Variants in KCNMA1 observed in about 807,000 individuals in gnomAD.
KCNMA1 encodes Calcium-activated potassium channel subunit alpha-1.
In KCNMA1, 29 loss-of-function variants were observed where a neutral mutation model predicts 140.0. That is an observed-to-expected ratio of 0.21 (90% confidence interval 0.15 to 0.28). The LOEUF (loss-of-function observed/expected upper bound fraction) is 0.28, where lower values mean the gene tolerates loss of function less well. Ranked by LOEUF, KCNMA1 falls within the 10% of genes least tolerant of loss-of-function variation. KCNMA1 has a pLI of 1.00. For synonymous variants in KCNMA1, 612 were observed against 611.9 expected (o/e 1.00, Z 0.00); for missense variants, 880 against 1,602.2 (o/e 0.55, Z 7.70).
At chr10:77,074,320 C>A (rs2096312822) in intron 13 of KCNMA1, among the ~76,000 whole-genome samples, 1 of 152,198 alleles carries the variant, frequency 6.6e-6, no homozygotes, top group South Asian at 2.1e-4. Context: ...GGGAAATGAA[C>A]ATTTCATTCT....
At chr10:77,004,850 G>C (rs903102467) in intron 18 of KCNMA1, among the ~76,000 whole-genome samples, 7 of 152,102 alleles carry the variant, frequency 4.6e-5, no homozygotes, top group African/African-American at 1.7e-4. Flanking sequence ...CTTTTCTAGA[G>C]CTGATTTAGG....
chr10:77,506,594 A>AGTGTGT (rs756755351), intron 1 of KCNMA1, among the ~76,000 whole-genome samples: 3 of 88,652 alleles, frequency 3.4e-5, no homozygotes, highest in Admixed American at 1.1e-4. Context: ...AGAGAGAGAG[A>AGTGTGT]GAGTGTGTGT....
intron 3 of KCNMA1, among the ~76,000 whole-genome samples, chr10:77,230,532 G>A (rs2053228195): frequency 6.6e-6 from 1 of 152,182 alleles, no homozygotes; most frequent in Non-Finnish European, 1.5e-5. Flanking sequence ...CATTCTTTGT[G>A]GATGAGGAAA....
chr10:77,439,076 GAAAGA>G (rs1257293710), intron 1 of KCNMA1, among the ~76,000 whole-genome samples: 29 of 113,474 alleles, frequency 2.6e-4, no homozygotes, highest in South Asian at 5.6e-4. Context: ...CTCAAAAAAA[GAAAGA>G]AAAGAAAAGA....
At chr10:77,595,688 T>G (rs956356307) in intron 1 of KCNMA1, among the ~76,000 whole-genome samples, 2 of 152,192 alleles carry the variant, frequency 1.3e-5, no homozygotes, top group African/African-American at 4.8e-5. Flanking sequence ...TTTTTTGAGA[T>G]GGACTCTCAC....
At position 77,505,719 on chromosome 10, in the gene KCNMA1, A is replaced by C. The variant is rs149614996; in HGVS notation, c.379-101696T>G. Among the ~76,000 whole-genome samples, 788 of 152,332 alleles carry C rather than the reference A, an allele frequency of 5.2e-3. 4 individuals carry two copies. The highest frequency in any genetic ancestry group is 8.6e-3 in the Admixed American group (131 of 15,302). ...AGGAACACAGGGAGGAATGATGGAG[A>C]TCTTTGAGCACCAAGAAGAGAAGTT... On this transcript the variant is annotated intron_variant, in intron 1 of 27. Transcript: ENST00000286628.
intron 2 of KCNMA1, among the ~76,000 whole-genome samples, chr10:77,391,276 G>A (rs1040066716): frequency 6.6e-6 from 1 of 152,194 alleles, no homozygotes; most frequent in African/African-American, 2.4e-5. Context: ...ATGCCCCAGG[G>A]AAGGATGTGT....
intron 1 of KCNMA1, among the ~76,000 whole-genome samples, chr10:77,440,705 G>C (rs1170221263): frequency 6.6e-6 from 1 of 152,228 alleles, no homozygotes; most frequent in Non-Finnish European, 1.5e-5. Context: ...AGCTCATTCT[G>C]AGTTGGAGGA....
intron 2 of KCNMA1, among the ~76,000 whole-genome samples, chr10:77,372,502 C>T (rs967749120): frequency 6.6e-6 from 1 of 152,274 alleles, no homozygotes; most frequent in African/African-American, 2.4e-5. Context: ...ATCTTTTTCT[C>T]TTCCTTTACT....
At chr10:77,474,781 G>A (rs890304244) in intron 1 of KCNMA1, among the ~76,000 whole-genome samples, 12 of 152,282 alleles carry the variant, frequency 7.9e-5, no homozygotes, top group South Asian at 6.2e-4. Context: ...TGGCCTGGCC[G>A]GGAGAGCTGG....
intron 2 of KCNMA1, among the ~76,000 whole-genome samples, chr10:77,342,431 G>A (rs1055557037): frequency 9.9e-5 from 15 of 152,162 alleles, no homozygotes; most frequent in Non-Finnish European, 1.9e-4. Context: ...CCAAGGCCTC[G>A]ATACCATAAG....
chr10:77,095,006 G>A (rs569652437), intron 9 of KCNMA1, among the ~76,000 whole-genome samples: 1 of 152,230 alleles, frequency 6.6e-6, no homozygotes, highest in South Asian at 2.1e-4. Flanking sequence ...TACCCCAAAT[G>A]TCTATTTTAG....
intron 1 of KCNMA1, among the ~76,000 whole-genome samples, chr10:77,464,850 A>G (rs2097953629): frequency 1.3e-5 from 2 of 152,222 alleles, no homozygotes; most frequent in South Asian, 2.1e-4. Flanking sequence ...AGGATATGAT[A>G]TCACAAGGGT....
At chr10:77,197,727 C>T (rs941742961) in intron 3 of KCNMA1, among the ~76,000 whole-genome samples, 25 of 152,168 alleles carry the variant, frequency 1.6e-4, no homozygotes, top group Admixed American at 1.3e-4. Context: ...GAGGCGACAA[C>T]CGAAAGGGGG....
rs372956157 is a variant in KCNMA1, at chr10:77,616,226, G to T, written c.378+21039C>A. On this transcript the variant is annotated intron_variant, in intron 1 of 27. Transcript: ENST00000286628. ...TAGGCTTCAGAGATGCTACATTCCA[G>T]CAGGGGGTGGACATTCCACAGACGT... Among the ~76,000 whole-genome samples the T allele has an allele frequency of 2.6e-5, 4 of 152,316 alleles. No individual in the cohort carries two copies. The East Asian group carries it at 7.7e-4, about 29-fold the overall frequency.
chr10:77,377,665 G>A (rs775431841), intron 2 of KCNMA1, among the ~76,000 whole-genome samples: 29 of 152,214 alleles, frequency 1.9e-4, no homozygotes, highest in Admixed American at 2.6e-4. Flanking sequence ...CTAGGTTTCA[G>A]TTAGTGTACA....
chr10:77,035,249 C>A (rs1226621427), intron 15 of KCNMA1, among the ~76,000 whole-genome samples: 1 of 152,188 alleles, frequency 6.6e-6, no homozygotes, highest in African/African-American at 2.4e-5. Flanking sequence ...AGAATGTCCT[C>A]TTCCTTCTTT....
At chr10:77,132,028 A>G (rs1388462636) in intron 5 of KCNMA1, among the ~76,000 whole-genome samples, 1 of 151,988 alleles carries the variant, frequency 6.6e-6, no homozygotes, top group Admixed American at 6.6e-5. Context: ...CAAACATTTG[A>G]GGAAAGGCAA....
At chr10:77,223,873 A>G (rs989946508) in intron 3 of KCNMA1, among the ~76,000 whole-genome samples, 2 of 152,166 alleles carry the variant, frequency 1.3e-5, no homozygotes, top group African/African-American at 4.8e-5. Context: ...AGATCTGCTA[A>G]GTATATGGAA....
Sources: gnomAD v4.1 joint callset for allele counts (sites outside exome capture counted in the v4.1 genomes callset) on GRCh38, gnomAD v4.1.1 for gene constraint, MANE v1.5 for transcripts, NCBI Gene and HGNC (gene_info 2026-07-23, HGNC 2026-07-21) for gene names.